The following CALD1 variants were observed in gnomAD, a reference collection of about 807,000 sequenced individuals.
The protein encoded by CALD1 is caldesmon.
In CALD1, 33 loss-of-function variants were observed where a neutral mutation model predicts 99.9. That is an observed-to-expected ratio of 0.33 (90% CI 0.25 to 0.44). The LOEUF (loss-of-function observed/expected upper bound fraction) is 0.44, where lower values mean the gene tolerates loss of function less well. CALD1 is among the 20% of genes least tolerant of loss of function. The pLI is 1.00. For synonymous variants in CALD1, 310 were observed against 325.0 expected (o/e 0.95, Z 0.50); for missense variants, 861 against 962.1 (o/e 0.89, Z 1.39).
chr7:134,859,430 T>C (rs1800467505), intron 2 of CALD1, among the ~76,000 whole-genome samples: 1 of 152,244 alleles, frequency 6.6e-6, no homozygotes, highest in Non-Finnish European at 1.5e-5. Flanking sequence ...TATTCTGATT[T>C]AGCATTAAAC....
chr7:134,952,555 C>T (rs1249528583), intron 9 of CALD1, among the ~76,000 whole-genome samples: 1 of 151,062 alleles, frequency 6.6e-6, no homozygotes, highest in Non-Finnish European at 1.5e-5. Flanking sequence ...ACTGCAACTT[C>T]CGCCTCCCAG....
At chr7:134,821,083 T>C (rs1410056076) in intron 1 of CALD1, among the ~76,000 whole-genome samples, 2 of 152,156 alleles carry the variant, frequency 1.3e-5, no homozygotes, top group African/African-American at 4.8e-5. Flanking sequence ...AAGCAACTGT[T>C]GGAATTTGTG....
At chr7:134,755,560 G>A (rs959220078) in intron 1 of CALD1, among the ~76,000 whole-genome samples, 3 of 152,180 alleles carry the variant, frequency 2.0e-5, no homozygotes, top group African/African-American at 7.2e-5. Flanking sequence ...GTGATTTATA[G>A]ATTATGGATT....
intron 1 of CALD1, among the ~76,000 whole-genome samples, chr7:134,753,747 C>G (rs1399729119): frequency 1.3e-5 from 2 of 152,194 alleles, no homozygotes; most frequent in Non-Finnish European, 2.9e-5. Flanking sequence ...TATTCTCCTG[C>G]CTTGTAGTGC....
At chr7:134,838,349 A>G (rs1799525184) in intron 1 of CALD1, among the ~76,000 whole-genome samples, 1 of 152,232 alleles carries the variant, frequency 6.6e-6, no homozygotes, top group South Asian at 2.1e-4. Context: ...TGAAATGGAA[A>G]CATACAATTT....
In CALD1 at chr7:134,834,619, T is replaced by A. The variant is rs1230437387; in HGVS notation, c.-129-9265T>A. 2.0e-5 allele frequency among the ~76,000 whole-genome samples: 3 copies of A among 152,224 alleles called. No individual in the cohort carries two copies. In the East Asian group the frequency reaches 5.8e-4, roughly 29 times the overall value. Reference sequence around the variant, plus strand: ...TACTTGTCTTACTGACCTCCAGGGTTTCTATGAAAATCATTTAAGAATAGA... The same window carrying A: ...TACTTGTCTTACTGACCTCCAGGGTATCTATGAAAATCATTTAAGAATAGA... On this transcript the variant is annotated intron_variant, in intron 1 of 14. Transcript: ENST00000361675.
chr7:134,860,528 A>G (rs959586310), intron 2 of CALD1, among the ~76,000 whole-genome samples: 3 of 152,174 alleles, frequency 2.0e-5, no homozygotes, highest in Non-Finnish European at 2.9e-5. Context: ...CTTGAGTTAC[A>G]TTTTCCATAC....
At chr7:134,827,725 G>C (rs1799059899) in intron 1 of CALD1, among the ~76,000 whole-genome samples, 1 of 152,206 alleles carries the variant, frequency 6.6e-6, no homozygotes, top group South Asian at 2.1e-4. Context: ...TCAGTCAAAG[G>C]TGTTATTTGG....
At chr7:134,777,806 A>G (rs17168031), upstream of CALD1, among the ~76,000 whole-genome samples, 2,524 of 152,304 alleles carry the variant, frequency 0.017, 66 homozygotes, top group African/African-American at 0.055. Context: ...GTTCAAGCCC[A>G]GCAGTTTACC....
At chr7:134,873,552 C>T (rs1433817762) in intron 3 of CALD1, among the ~76,000 whole-genome samples, 1 of 152,208 alleles carries the variant, frequency 6.6e-6, no homozygotes, top group African/African-American at 2.4e-5. Flanking sequence ...TAAAGACGGA[C>T]CGCCGCCGGC....
intron 1 of CALD1, among the ~76,000 whole-genome samples, chr7:134,822,904 T>A (rs1009411789): frequency 3.3e-5 from 5 of 152,226 alleles, no homozygotes; most frequent in African/African-American, 1.2e-4. Flanking sequence ...TGCTTTAATT[T>A]ATCCCTGCCT....
intron 1 of CALD1, among the ~76,000 whole-genome samples, chr7:134,820,782 G>A (rs1798743682): frequency 1.3e-5 from 2 of 152,150 alleles, no homozygotes; most frequent in Non-Finnish European, 2.9e-5. Context: ...GACATGGTGG[G>A]TAGCAAGGGG....
chr7:134,748,635 TG>T (rs1796656913), intron 1 of CALD1, among the ~76,000 whole-genome samples: 1 of 152,024 alleles, frequency 6.6e-6, no homozygotes, highest in African/African-American at 2.4e-5. Context: ...GGCTTGAACC[TG>T]GAAGGCAGAG....
At chr7:134,822,330 G>T (rs967732505) in intron 1 of CALD1, among the ~76,000 whole-genome samples, 9 of 152,130 alleles carry the variant, frequency 5.9e-5, no homozygotes, top group Admixed American at 1.3e-4. Flanking sequence ...GTGAGAAAAT[G>T]TTATTTCTGC....
upstream of CALD1, among the ~76,000 whole-genome samples, chr7:134,775,106 T>C (rs1796907027): frequency 6.6e-6 from 1 of 152,220 alleles, no homozygotes; most frequent in South Asian, 2.1e-4. Context: ...TAGTGTGTAG[T>C]AGAAACTTTG....
chr7:134,829,479 G>T (rs754090510), intron 1 of CALD1, among the ~76,000 whole-genome samples: 3 of 152,170 alleles, frequency 2.0e-5, no homozygotes, highest in Non-Finnish European at 4.4e-5. Context: ...CAAGTAAGAA[G>T]TATGCCTTTG....
chr7:134,798,959 T>C (rs902483323), intron 1 of CALD1, among the ~76,000 whole-genome samples: 2 of 152,188 alleles, frequency 1.3e-5, no homozygotes, highest in African/African-American at 4.8e-5. Context: ...CTTGTTGGTG[T>C]CCTTTCTACC....
chr7:134,856,698 A>AGG lies in CALD1; in HGVS notation c.-41-10995_-41-10994insGG, dbSNP rs1800318046. Among the ~76,000 whole-genome samples, 3 of 115,454 alleles carry AGG rather than the reference A, an allele frequency of 2.6e-5. No homozygotes were observed. The South Asian group carries it at 7.5e-4, about 29-fold the overall frequency. The allele number at this position is 115,454 out of a possible 152,430, so 75.7% of individuals were successfully genotyped here. Reference sequence around the variant, plus strand: ...TAAATGCCTAATACTCCTCTTCCTGAAATCGAAATGTCTCTCTAAGACCAA... The same window carrying AGG: ...TAAATGCCTAATACTCCTCTTCCTGAGGAATCGAAATGTCTCTCTAAGACCAA... On this transcript the variant is annotated intron_variant, in intron 2 of 14. Coordinates refer to ENST00000361675, the MANE Select transcript of CALD1 (RefSeq NM_033138.4).
chr7:134,735,980 G>A, the CALD1 span, among the ~76,000 whole-genome samples: 1 of 152,174 alleles, frequency 6.6e-6, no homozygotes, highest in African/African-American at 2.4e-5. Flanking sequence ...GCAGAAATCT[G>A]TAAGAGCGAC....
Sources: allele counts gnomAD v4.1 joint callset (sites outside exome capture counted in the v4.1 genomes callset), GRCh38; gene constraint gnomAD v4.1.1; transcripts MANE v1.5; gene names NCBI Gene and HGNC (gene_info 2026-07-23, HGNC 2026-07-21).